ARHGAP28: variants seen among roughly 807,000 people sequenced by gnomAD.
ARHGAP28 encodes the protein rho GTPase-activating protein 28.
Under a neutral mutation model 90.7 loss-of-function variants are expected in ARHGAP28, and 56 were observed. The observed-to-expected ratio is 0.62, with a 90% CI of 0.50 to 0.77. The LOEUF (loss-of-function observed/expected upper bound fraction) is 0.77, where lower values mean the gene tolerates loss of function less well. ARHGAP28 is among the 30% of genes least tolerant of loss of function. The probability of loss-of-function intolerance (pLI) is 0.00; values close to 1 mark genes in which losing one functional copy is unlikely to be tolerated. For missense variants in ARHGAP28, 869 were observed against 900.9 expected (o/e 0.96, Z 0.45); for synonymous variants, 308 against 323.3 (o/e 0.95, Z 0.51).
intron 1 of ARHGAP28, among the ~76,000 whole-genome samples, chr18:6,797,434 T>A (rs2056449201): frequency 6.6e-6 from 1 of 152,184 alleles, no homozygotes; most frequent in Non-Finnish European, 1.5e-5. Context: ...CAGTTGTCTC[T>A]TGGACAGTAC....
chr18:6,744,627 C>T (rs1350871851), intron 1 of ARHGAP28, among the ~76,000 whole-genome samples: 2 of 152,088 alleles, frequency 1.3e-5, no homozygotes, highest in Admixed American at 1.3e-4. Context: ...GAAATTGTTA[C>T]CTAATTTTAG....
intron 6 of ARHGAP28, among the ~76,000 whole-genome samples, chr18:6,868,666 G>A (rs1385453585): frequency 6.6e-6 from 1 of 152,024 alleles, no homozygotes; most frequent in African/African-American, 2.4e-5. Flanking sequence ...CGCTTGAGAG[G>A]TGGGCTCCCT....
intron 1 of ARHGAP28, chr18:6,791,722 T>C (rs1263608817): frequency 6.6e-6 from 1 of 152,188 alleles, no homozygotes; most frequent in Non-Finnish European, 1.5e-5. Flanking sequence ...TACACTATGG[T>C]TGTATTGCTG....
chr18:6,783,575 A>G (rs1384276958), intron 1 of ARHGAP28, among the ~76,000 whole-genome samples: 1 of 152,040 alleles, frequency 6.6e-6, no homozygotes, highest in East Asian at 1.9e-4. Flanking sequence ...TGCTGGGATT[A>G]CAGGCGTGAG....
chr18:6,821,469 A>C (rs2056626418), intron 1 of ARHGAP28, among the ~76,000 whole-genome samples: 1 of 152,212 alleles, frequency 6.6e-6, no homozygotes, highest in African/African-American at 2.4e-5. Flanking sequence ...TAATATGGTG[A>C]GGTATGAAGC....
intron 1 of ARHGAP28, among the ~76,000 whole-genome samples, chr18:6,741,604 A>G (rs541296780): frequency 6.6e-6 from 1 of 152,224 alleles, no homozygotes; most frequent in Non-Finnish European, 1.5e-5. Context: ...TATCCAGATG[A>G]TAAAAAAAGT....
rs141859670 is a variant in ARHGAP28 at position 6,821,220 on chromosome 18, A to C, written c.123-3542A>C. On this transcript the variant is annotated intron_variant, in intron 1 of 17. Transcript: ENST00000383472. ...CTGGTATCTACTAAAATATAGTATA[A>C]GTTATGGCTAAAAAGACAATGGAAG... Among the ~76,000 whole-genome samples the C allele has an allele frequency of 4.8e-3, 737 of 152,326 alleles. 7 individuals carry two copies. Among genetic ancestry groups the C allele is most frequent in the African/African-American group, 0.017 (705 of 41,576 alleles).
chr18:6,821,676 C>T (rs958527069), intron 1 of ARHGAP28, among the ~76,000 whole-genome samples: 11 of 152,138 alleles, frequency 7.2e-5, no homozygotes, highest in African/African-American at 2.7e-4. Context: ...CAAAAAAAAG[C>T]TGATCATTGT....
chr18:6,752,214 C>T (rs1235886404), intron 1 of ARHGAP28, among the ~76,000 whole-genome samples: 1 of 152,080 alleles, frequency 6.6e-6, no homozygotes, highest in Non-Finnish European at 1.5e-5. Context: ...TCTACTGAGC[C>T]GTGTTTTTTA....
chr18:6,841,203 C>CTCTCTCTCCTCTCTCTCTCT (rs754874496), intron 3 of ARHGAP28, among the ~76,000 whole-genome samples: 2 of 41,972 alleles, frequency 4.8e-5, no homozygotes, highest in African/African-American at 2.3e-4. Flanking sequence ...CTCTCTCTCT[C>CTCTCTCTCCTCTCTCTCTCT]CTCTCCTCTC....
At chr18:6,755,024 GCTAC>G (rs2056098220) in intron 1 of ARHGAP28, among the ~76,000 whole-genome samples, 1 of 151,924 alleles carries the variant, frequency 6.6e-6, no homozygotes, top group African/African-American at 2.4e-5. Flanking sequence ...GGTACACCTA[GCTAC>G]TGTAATCCCA....
At chr18:6,889,598 G>C (rs973751477) in intron 12 of ARHGAP28, among the ~76,000 whole-genome samples, 1 of 152,094 alleles carries the variant, frequency 6.6e-6, no homozygotes. Context: ...TTTAACATTT[G>C]TCAGACTCTT....
At chr18:6,778,350 A>T (rs555981855) in intron 1 of ARHGAP28, among the ~76,000 whole-genome samples, 7 of 152,348 alleles carry the variant, frequency 4.6e-5, no homozygotes, top group African/African-American at 1.4e-4. Flanking sequence ...CTAAAAATGT[A>T]TGAGTTTCTT....
At chr18:6,778,384 C>G (rs572707624) in intron 1 of ARHGAP28, among the ~76,000 whole-genome samples, 1 of 152,272 alleles carries the variant, frequency 6.6e-6, no homozygotes, top group African/African-American at 2.4e-5. Flanking sequence ...TGCCCTCTTT[C>G]AGTAACAAGG....
intron 1 of ARHGAP28, among the ~76,000 whole-genome samples, chr18:6,811,686 G>C (rs996446875): frequency 5.3e-5 from 8 of 151,714 alleles, no homozygotes; most frequent in Admixed American, 2.6e-4. Flanking sequence ...AATGTATTTA[G>C]TTTCGTGCCT....
chr18:6,910,472 AG>A (rs2057390030), intron 17 of ARHGAP28, among the ~76,000 whole-genome samples: 1 of 152,086 alleles, frequency 6.6e-6, no homozygotes, highest in African/African-American at 2.4e-5. Flanking sequence ...ATCACCTGAC[AG>A]GGTTGGATCT....
At chr18:6,892,866 C>T (rs1379278540) in intron 14 of ARHGAP28, among the ~76,000 whole-genome samples, 1 of 152,244 alleles carries the variant, frequency 6.6e-6, no homozygotes, top group Non-Finnish European at 1.5e-5. Flanking sequence ...ACACCTTTAG[C>T]ACTCAGCCAA....
At chr18:6,817,048 C>T (rs1480652606) in intron 1 of ARHGAP28, among the ~76,000 whole-genome samples, 1 of 151,380 alleles carries the variant, frequency 6.6e-6, no homozygotes, top group East Asian at 2.0e-4. Context: ...TATGATTGCA[C>T]CACTGCACTC....
At chr18:6,873,354 CGCATA>C (rs1567977837) in intron 7 of ARHGAP28, 50 bp from the exon 8 acceptor site, 1 of 1,488,384 alleles carries the variant, frequency 6.7e-7, no homozygotes, top group East Asian at 2.3e-5. Context: ...TTTGAGTGAA[CGCATA>C]ATAATTTTCC....
Sources: allele counts gnomAD v4.1 joint callset (sites outside exome capture counted in the v4.1 genomes callset), GRCh38; gene constraint gnomAD v4.1.1; transcripts MANE v1.5; gene names NCBI Gene and HGNC (gene_info 2026-07-23, HGNC 2026-07-21).